The following SPMIP11 variants were observed in gnomAD, a reference collection of about 807,000 sequenced individuals.
SPMIP11 encodes the protein long intergenic non-protein coding RNA 935.
chr12:48,753,793 C>T, the SPMIP11 span, among the ~76,000 whole-genome samples: 1 of 151,574 alleles, frequency 6.6e-6, no homozygotes, highest in Non-Finnish European at 1.5e-5. Flanking sequence ...CCTCTGCCCC[C>T]CCGGGTTCAA....
At chr12:48,733,333 C>A in the SPMIP11 span, among the ~76,000 whole-genome samples, 1 of 152,014 alleles carries the variant, frequency 6.6e-6, no homozygotes, top group Non-Finnish European at 1.5e-5. Context: ...CCTCGGCCTC[C>A]CAAAGTGCTG....
the SPMIP11 span, among the ~76,000 whole-genome samples, chr12:48,747,116 G>T: frequency 6.6e-6 from 1 of 152,092 alleles, no homozygotes; most frequent in Non-Finnish European, 1.5e-5. Flanking sequence ...GGAGTAACTT[G>T]GAGAGGCCCA....
chr12:48,768,534 C>A, the SPMIP11 span: 1 of 1,613,036 alleles, frequency 6.2e-7, no homozygotes, highest in Admixed American at 1.7e-5. Context: ...CCAGTGAGCA[C>A]AGAGTCCACT....
At chr12:48,735,885 AAATAAT>A in the SPMIP11 span, among the ~76,000 whole-genome samples, 1 of 152,030 alleles carries the variant, frequency 6.6e-6, no homozygotes, top group African/African-American at 2.4e-5. Flanking sequence ...CTCCCTCTCA[AAATAAT>A]AATAATAATA....
chr12:48,770,821 C>G, the SPMIP11 span: 1 of 1,614,236 alleles, frequency 6.2e-7, no homozygotes, highest in Non-Finnish European at 8.5e-7. Context: ...TCATCTGCTC[C>G]ATGAGCCGCA....
At chr12:48,739,698 C>A in the SPMIP11 span, among the ~76,000 whole-genome samples, 3 of 152,084 alleles carry the variant, frequency 2.0e-5, no homozygotes, top group Non-Finnish European at 4.4e-5. Context: ...GTACTATACG[C>A]TTTTAAACAA....
chr12:48,771,400 G>A, the SPMIP11 span: 25 of 524,524 alleles, frequency 4.8e-5, no homozygotes, highest in South Asian at 4.7e-4. The surrounding 1 kb of genome is among the most constrained non-coding windows in gnomAD (Gnocchi z 4.3). Context: ...TTGGTCTCAT[G>A]AGGTTCTGTC....
chr12:48,771,110 G>T, the SPMIP11 span: 1 of 839,314 alleles, frequency 1.2e-6, no homozygotes, highest in Non-Finnish European at 1.8e-6. This position sits in a 1 kb window ranked among gnomAD's most constrained non-coding sequence, Gnocchi z 4.3. Context: ...TGCTATCAGT[G>T]TAAGACTGAG....
the SPMIP11 span, among the ~76,000 whole-genome samples, chr12:48,760,168 T>C: frequency 6.6e-6 from 1 of 151,968 alleles, no homozygotes; most frequent in Non-Finnish European, 1.5e-5. Flanking sequence ...TTTTTGATGT[T>C]TCACCTTTTC....
the SPMIP11 span, among the ~76,000 whole-genome samples, chr12:48,756,484 C>T: frequency 1.1e-4 from 16 of 151,878 alleles, no homozygotes; most frequent in African/African-American, 3.4e-4. Flanking sequence ...GGAAGGCAAA[C>T]GAGAGAGATG....
At chr12:48,759,262 A>C in the SPMIP11 span, 2 of 702,866 alleles carry the variant, frequency 2.8e-6, no homozygotes, top group Non-Finnish European at 5.2e-6. Flanking sequence ...AAAAGATGGG[A>C]ATTATTCCGT....
At chr12:48,764,967 C>T in the SPMIP11 span, 1 of 702,696 alleles carries the variant, frequency 1.4e-6, no homozygotes, top group East Asian at 2.7e-5. Context: ...GAGCCCACGC[C>T]ATTGTCTCAT....
chr12:48,741,151 C>G, the SPMIP11 span, among the ~76,000 whole-genome samples: 1 of 149,832 alleles, frequency 6.7e-6, no homozygotes, highest in African/African-American at 2.5e-5. Context: ...GTATGCAGTC[C>G]AGGTTGAAGC....
chr12:48,751,576 A>G, the SPMIP11 span, among the ~76,000 whole-genome samples: 1 of 152,328 alleles, frequency 6.6e-6, no homozygotes, highest in Non-Finnish European at 1.5e-5. Context: ...AGTGCATTCC[A>G]GCCTAGTGAC....
chr12:48,728,323 A>T, the SPMIP11 span, among the ~76,000 whole-genome samples: 1 of 152,200 alleles, frequency 6.6e-6, no homozygotes, highest in Admixed American at 6.5e-5. Flanking sequence ...TGGAATAAGA[A>T]CGGGGGAGTG....
At chr12:48,744,248 C>CAA in the SPMIP11 span, among the ~76,000 whole-genome samples, 1,202 of 98,210 alleles carry the variant, frequency 0.012, 25 homozygotes, top group African/African-American at 0.046. Flanking sequence ...AGCAACCTCT[C>CAA]AAAAAAAAAA....
chr12:48,757,335 A>C, the SPMIP11 span, among the ~76,000 whole-genome samples: 2 of 152,114 alleles, frequency 1.3e-5, no homozygotes, highest in South Asian at 4.1e-4. Context: ...AGCCTATTTA[A>C]GCAGAATATG....
chr12:48,765,986 A>C, the SPMIP11 span, among the ~76,000 whole-genome samples: 1 of 152,170 alleles, frequency 6.6e-6, no homozygotes, highest in African/African-American at 2.4e-5. Context: ...CTGGGAAGGC[A>C]CACACTGGAG....
the SPMIP11 span, among the ~76,000 whole-genome samples, chr12:48,738,787 T>A: frequency 6.6e-6 from 1 of 152,162 alleles, no homozygotes; most frequent in African/African-American, 2.4e-5. Flanking sequence ...GTCACTTCAC[T>A]TTTTCTATTT....
Sources: gnomAD v4.1 joint callset for allele counts (sites outside exome capture counted in the v4.1 genomes callset) on GRCh38, gnomAD v4.1.1 for gene constraint, Gnocchi (gnomAD v3.1) non-coding constraint, MANE v1.5 for transcripts, NCBI Gene and HGNC (gene_info 2026-07-23, HGNC 2026-07-21) for gene names.